The following NAALADL2 variants were observed in gnomAD, a reference collection of about 807,000 sequenced individuals.
The protein encoded by NAALADL2 is N-acetylated alpha-linked acidic dipeptidase like 2.
A neutral mutation model predicts 87.2 loss-of-function variants in NAALADL2; 76 were observed. The observed-to-expected ratio is 0.87, with a 90% CI of 0.72 to 1.05. The LOEUF is 1.05. Among genes scored for constraint, NAALADL2 ranks in the 50% least tolerant of loss-of-function variants. The probability of loss-of-function intolerance (pLI) is 0.00; values close to 1 mark genes in which losing one functional copy is unlikely to be tolerated. For synonymous variants in NAALADL2, 354 were observed against 331.0 expected (o/e 1.07, Z -0.75); for missense variants, 1,089 against 945.8 (o/e 1.15, Z -1.99).
rs13317210 is a variant in NAALADL2 at position 174,882,782 on chromosome 3, T to C, written c.43+23332T>C. 8.2e-3 allele frequency among the ~76,000 whole-genome samples: 848 copies of C among 103,312 alleles called. 10 individuals are homozygous for C. The highest frequency in any genetic ancestry group is 0.038 in the African/African-American group (767 of 20,344). The allele number at this position is 103,312 out of a possible 152,430, so 67.8% of individuals were successfully genotyped here. Reference sequence around the variant, plus strand: ...ATATATACACACGTGTATATATACATATGTGTATATATACACGTGTGTATA... The same window carrying C: ...ATATATACACACGTGTATATATACACATGTGTATATATACACGTGTGTATA... On this transcript the variant is annotated intron_variant, in intron 1 of 13. Coordinates refer to ENST00000454872, the MANE Select transcript of NAALADL2 (RefSeq NM_207015.3).
intron 11 of NAALADL2, among the ~76,000 whole-genome samples, chr3:175,704,647 A>G (rs781318574): frequency 1.3e-5 from 2 of 152,116 alleles, no homozygotes; most frequent in Non-Finnish European, 2.9e-5. Context: ...GTCTTTCCAC[A>G]TACAAACATA....
chr3:174,956,449 G>A (rs143432100), intron 1 of NAALADL2, among the ~76,000 whole-genome samples: 206 of 152,064 alleles, frequency 1.4e-3, no homozygotes, highest in African/African-American at 4.8e-3. Context: ...CGTTGGACAT[G>A]GGCAATTTAT....
chr3:175,016,277 A>ATATAT (rs60595167), intron 1 of NAALADL2, among the ~76,000 whole-genome samples: 2 of 147,822 alleles, frequency 1.4e-5, no homozygotes, highest in Admixed American at 1.4e-4. Context: ...ATATATATAT[A>ATATAT]AAAAACAATA....
chr3:175,391,305 A>G (rs1031555823), intron 5 of NAALADL2, among the ~76,000 whole-genome samples: 1 of 152,202 alleles, frequency 6.6e-6, no homozygotes, highest in Non-Finnish European at 1.5e-5. Context: ...TGTGGGCTGG[A>G]CTGGAGATTC....
chr3:174,515,224 T>A (rs1578063162), intron 1 of NAALADL2, among the ~76,000 whole-genome samples: 2 of 152,244 alleles, frequency 1.3e-5, no homozygotes, highest in East Asian at 3.9e-4. Context: ...ATAGCCCTTT[T>A]CTATTGGGCT....
rs60367540 is a variant in NAALADL2, at chr3:174,997,833, AAACAAC to A, written c.44-98928_44-98923del. Reference sequence around the variant, plus strand: ...CTCTGTCTCAAAAAAACCAAAAAGCAAACAACAACAACAACAACAACAACAACAACA... The same window carrying A: ...CTCTGTCTCAAAAAAACCAAAAAGCAAACAACAACAACAACAACAACAACA... On this transcript the variant is annotated intron_variant, in intron 1 of 13. Coordinates refer to ENST00000454872, the MANE Select transcript of NAALADL2 (RefSeq NM_207015.3). 5.3e-4 allele frequency among the ~76,000 whole-genome samples: 75 copies of A among 142,046 alleles called. 1 individual carries two copies. The highest frequency in any genetic ancestry group is 3.6e-3 in the Middle Eastern group (1 of 280). The allele number at this position is 142,046 out of a possible 152,430, so 93.2% of individuals were successfully genotyped here.
chr3:175,724,084 G>A (rs1742602000), intron 11 of NAALADL2, among the ~76,000 whole-genome samples: 1 of 152,074 alleles, frequency 6.6e-6, no homozygotes, highest in Non-Finnish European at 1.5e-5. Context: ...CCATTTAACT[G>A]AGGACTGTTG....
At chr3:175,720,985 C>G (rs956505798) in intron 11 of NAALADL2, among the ~76,000 whole-genome samples, 2 of 151,682 alleles carry the variant, frequency 1.3e-5, no homozygotes, top group African/African-American at 4.8e-5. Flanking sequence ...TAATGGTGTG[C>G]CAAAAAATGG....
At chr3:175,069,164 A>T (rs1458059855) in intron 1 of NAALADL2, among the ~76,000 whole-genome samples, 2 of 150,454 alleles carry the variant, frequency 1.3e-5, no homozygotes, top group East Asian at 1.9e-4. Context: ...GACAAATGGG[A>T]TCTAATTAAA....
At chr3:174,875,859 A>T (rs1476657270) in intron 1 of NAALADL2, among the ~76,000 whole-genome samples, 1 of 152,146 alleles carries the variant, frequency 6.6e-6, no homozygotes, top group Non-Finnish European at 1.5e-5. Context: ...ATTAAAGCCA[A>T]ATCTGAGAGT....
rs532282705 is a variant in NAALADL2, at chr3:175,565,669, T to C, written c.1654-10372T>C. 2.0e-5 allele frequency among the ~76,000 whole-genome samples: 3 copies of C among 152,162 alleles called. No individual in the cohort carries two copies. The East Asian group carries it at 5.8e-4, about 29-fold the overall frequency. On this transcript the variant is annotated intron_variant, in intron 9 of 13. Coordinates refer to ENST00000454872, the MANE Select transcript of NAALADL2 (RefSeq NM_207015.3). ...CTTATCTGTTCTCTCCCCAGTGATA[T>C]ATGCATTTTTGATGGTCCCAAATCT...
At chr3:175,681,077 C>T (rs1462638031) in intron 11 of NAALADL2, among the ~76,000 whole-genome samples, 3 of 152,170 alleles carry the variant, frequency 2.0e-5, no homozygotes, top group Non-Finnish European at 4.4e-5. Context: ...CGTGCCACTG[C>T]ACTTCAGCCT....
chr3:175,107,511 TACACACAC>T (rs776469358), intron 2 of NAALADL2, among the ~76,000 whole-genome samples: 8 of 117,268 alleles, frequency 6.8e-5, no homozygotes, highest in East Asian at 2.4e-4. Flanking sequence ...AACACACACA[TACACACAC>T]ACACACACAC....
chr3:175,727,935 G>C (rs920105480), intron 11 of NAALADL2, among the ~76,000 whole-genome samples: 1 of 152,142 alleles, frequency 6.6e-6, no homozygotes, highest in Non-Finnish European at 1.5e-5. Context: ...TCTTGTTGGG[G>C]CTGAGGGAAC....
intron 10 of NAALADL2, among the ~76,000 whole-genome samples, chr3:175,597,129 G>T (rs188244293): frequency 1.3e-5 from 2 of 151,922 alleles, no homozygotes; most frequent in Non-Finnish European, 2.9e-5. Flanking sequence ...ACTCTTATTA[G>T]CACTTTTCAA....
intron 4 of NAALADL2, among the ~76,000 whole-genome samples, chr3:175,268,286 A>G (rs1752273895): frequency 6.6e-6 from 1 of 152,164 alleles, no homozygotes; most frequent in South Asian, 2.1e-4. Context: ...GTATTTGTGT[A>G]TCTAAACATC....
At chr3:175,246,289 T>C (rs1747957668) in intron 3 of NAALADL2, among the ~76,000 whole-genome samples, 1 of 152,152 alleles carries the variant, frequency 6.6e-6, no homozygotes, top group South Asian at 2.1e-4. Context: ...AACTCGTTTT[T>C]AGGTGAGCAA....
At chr3:175,675,783 G>T (rs1023120537) in intron 11 of NAALADL2, 1 of 152,090 alleles carries the variant, frequency 6.6e-6, no homozygotes, top group Non-Finnish European at 1.5e-5. Context: ...TTATTTTGCT[G>T]ATAAGCTCAT....
At chr3:174,654,962 C>A (rs2108763909) in intron 2 of NAALADL2, among the ~76,000 whole-genome samples, 1 of 152,238 alleles carries the variant, frequency 6.6e-6, no homozygotes, top group Non-Finnish European at 1.5e-5. Flanking sequence ...GTCTCGATCT[C>A]CTGACCTCTT....
Sources: allele counts gnomAD v4.1 joint callset (sites outside exome capture counted in the v4.1 genomes callset), GRCh38; gene constraint gnomAD v4.1.1; transcripts MANE v1.5; gene names NCBI Gene and HGNC (gene_info 2026-07-23, HGNC 2026-07-21).